The following PPP1R1C variants were observed in gnomAD, a reference collection of about 807,000 sequenced individuals.
PPP1R1C encodes protein phosphatase 1 regulatory inhibitor subunit 1C.
Under a neutral mutation model 17.4 loss-of-function variants are expected in PPP1R1C, and 15 were observed. The ratio of observed to expected loss-of-function variants is 0.86; its 90% CI spans 0.58 to 1.33. The LOEUF (loss-of-function observed/expected upper bound fraction) is 1.33. Among genes scored for constraint, PPP1R1C ranks in the 40% most tolerant of loss-of-function variants. The pLI, the probability that PPP1R1C is intolerant of heterozygous loss-of-function variation, is 0.00. For synonymous variants in PPP1R1C, 35 were observed against 43.1 expected, an observed-to-expected ratio of 0.81 and a Z score of 0.73; for missense variants, 143 against 130.0, an observed-to-expected ratio of 1.10 and a Z score of -0.48.
upstream of PPP1R1C, among the ~76,000 whole-genome samples, chr2:181,981,416 G>GA (rs1180559802): frequency 2.0e-5 from 3 of 152,098 alleles, no homozygotes; most frequent in Admixed American, 1.3e-4. Context: ...CTGTAGATCT[G>GA]AAAAAATATC....
intron 2 of PPP1R1C, among the ~76,000 whole-genome samples, chr2:182,010,634 C>G (rs1427061439): frequency 6.6e-6 from 1 of 152,020 alleles, no homozygotes; most frequent in Non-Finnish European, 1.5e-5. Context: ...TATCTAATTT[C>G]TCTAGCTAGG....
chr2:181,993,189 A>G (rs4666573), intron 2 of PPP1R1C, among the ~76,000 whole-genome samples: 28,771 of 152,138 alleles, frequency 0.19, 3,402 homozygotes, highest in South Asian at 0.32. Flanking sequence ...TTAATCCAAA[A>G]ATAACAGGAA....
intron 4 of PPP1R1C, among the ~76,000 whole-genome samples, chr2:182,089,854 G>T (rs960037753): frequency 1.3e-5 from 2 of 151,616 alleles, no homozygotes; most frequent in African/African-American, 4.8e-5. Context: ...TTGTTCTCCA[G>T]GTAAATAAGC....
In PPP1R1C at chr2:181,976,148, CAT is replaced by C. The variant is rs1685088571; in HGVS notation, n.157+885_157+886del. Among the ~76,000 whole-genome samples the C allele has an allele frequency of 6.6e-6, 1 of 151,986 alleles. No homozygotes were observed. The stretch of plus-strand genomic sequence containing the variant: ...CACCATCCAGAGACAACCCCATTAA[CAT>C]CTCAGAATATATTCTTCCAAACATT... On this transcript the variant is annotated intron_variant and non_coding_transcript_variant, in intron 2 of 5. Coordinates refer to the PPP1R1C transcript ENST00000464264. This position sits in a 1 kb window ranked among gnomAD's most constrained non-coding sequence, Gnocchi z 4.8.
intron 2 of PPP1R1C, among the ~76,000 whole-genome samples, chr2:182,001,609 A>G (rs1201073022): frequency 6.6e-6 from 1 of 152,002 alleles, no homozygotes; most frequent in Non-Finnish European, 1.5e-5. Context: ...TTTTATTTTC[A>G]TTTCCTTTGA....
chr2:182,098,340 A>C (rs1410102116), intron 4 of PPP1R1C, among the ~76,000 whole-genome samples: 1 of 152,224 alleles, frequency 6.6e-6, no homozygotes, highest in Non-Finnish European at 1.5e-5. Context: ...TAATAGAAAC[A>C]AAAAATGCTC....
chr2:182,069,545 A>G (rs905835283), intron 4 of PPP1R1C, among the ~76,000 whole-genome samples: 1 of 152,114 alleles, frequency 6.6e-6, no homozygotes, highest in African/African-American at 2.4e-5. Context: ...TGACATTGTC[A>G]TGGATTATTA....
chr2:182,025,451 A>T (rs1283629237), intron 2 of PPP1R1C, among the ~76,000 whole-genome samples: 1 of 137,632 alleles, frequency 7.3e-6, no homozygotes, highest in South Asian at 2.5e-4. Flanking sequence ...GAGTGAGAAT[A>T]TGCGGTGTTT....
intron 2 of PPP1R1C, among the ~76,000 whole-genome samples, chr2:182,006,680 C>A (rs552354970): frequency 1.3e-5 from 2 of 152,160 alleles, no homozygotes; most frequent in Non-Finnish European, 2.9e-5. Context: ...TGTGCTGAAA[C>A]GTGTGTGAAG....
intron 4 of PPP1R1C, among the ~76,000 whole-genome samples, chr2:182,104,908 A>G (rs1339202446): frequency 2.6e-5 from 4 of 152,118 alleles, no homozygotes; most frequent in African/African-American, 7.2e-5. Context: ...TTGAAGGGAG[A>G]CTTTTTATTA....
intron 3 of PPP1R1C, 99 bp downstream of exon 3, chr2:182,061,578 A>G (rs1687852539): frequency 6.4e-6 from 4 of 627,192 alleles, no homozygotes; most frequent in Non-Finnish European, 2.5e-6. Context: ...TACAACTGTA[A>G]TAAAACTTTA....
chr2:182,039,399 T>G (rs886730898), intron 2 of PPP1R1C, among the ~76,000 whole-genome samples: 1 of 152,164 alleles, frequency 6.6e-6, no homozygotes, highest in Non-Finnish European at 1.5e-5. Context: ...TTGTTCTTTG[T>G]TTTTGAGACA....
intron 2 of PPP1R1C, among the ~76,000 whole-genome samples, chr2:182,000,889 G>T (rs1302433544): frequency 2.0e-5 from 3 of 152,276 alleles, no homozygotes; most frequent in South Asian, 2.1e-4. Context: ...AAAGAAGAAA[G>T]ATCCATGTAT....
chr2:182,004,421 G>A (rs1173423845), intron 2 of PPP1R1C, among the ~76,000 whole-genome samples: 1 of 152,082 alleles, frequency 6.6e-6, no homozygotes, highest in East Asian at 1.9e-4. Flanking sequence ...ATATAGGATG[G>A]TTTAAAAGCA....
chr2:182,122,696 C>A (rs376354597), downstream of PPP1R1C, among the ~76,000 whole-genome samples: 3 of 151,108 alleles, frequency 2.0e-5, no homozygotes, highest in East Asian at 5.8e-4. Flanking sequence ...CTTTTAAATA[C>A]GTAAGCCAAA....
chr2:182,102,251 A>G (rs1689116522), intron 4 of PPP1R1C, among the ~76,000 whole-genome samples: 1 of 152,210 alleles, frequency 6.6e-6, no homozygotes, highest in Admixed American at 6.5e-5. Flanking sequence ...TCACCTGGAG[A>G]TAGCATCAAA....
intron 2 of PPP1R1C, among the ~76,000 whole-genome samples, chr2:182,059,927 A>G (rs1162877362): frequency 6.6e-6 from 1 of 152,100 alleles, no homozygotes; most frequent in Non-Finnish European, 1.5e-5. Context: ...TCCTAATCAA[A>G]AGCAAAATAT....
At position 182,117,670 on chromosome 2, in the gene PPP1R1C, A is replaced by G. The variant is rs747301509; in HGVS notation, c.*375A>G. The G allele has an allele frequency of 3.8e-4, 64 of 166,984 alleles. No individual in the cohort carries two copies. The highest frequency in any genetic ancestry group is 6.8e-4 in the Non-Finnish European group (54 of 79,880). 10.3% of individuals were successfully genotyped at this position (166,984 alleles called of 1,614,324 possible). A position where few individuals can be genotyped will look rare whatever the true frequency, so the allele number is the denominator to read the frequency against. ...ACATCACTTTAAGAGTAAAAAATAA[A>G]TAGTAAACACATTTAGACATGAGTG... On this transcript the variant is annotated 3_prime_UTR_variant, in exon 5 of 5. Transcript: ENST00000682840.
At chr2:182,124,068 A>T (rs1185183648) in intron 5 of PPP1R1C, among the ~76,000 whole-genome samples, 1 of 152,214 alleles carries the variant, frequency 6.6e-6, no homozygotes, top group African/African-American at 2.4e-5. Context: ...AGCTTTCTGC[A>T]TATGGCTAGC....
Sources: allele counts gnomAD v4.1 joint callset (sites outside exome capture counted in the v4.1 genomes callset), GRCh38; gene constraint gnomAD v4.1.1; non-coding constraint Gnocchi (gnomAD v3.1); transcripts MANE v1.5; gene names NCBI Gene and HGNC (gene_info 2026-07-23, HGNC 2026-07-21).